The following GARRE1 variants were observed in gnomAD, a reference collection of about 807,000 sequenced individuals.
The protein encoded by GARRE1 is granule associated Rac and RHOG effector 1.
A neutral mutation model predicts 103.2 loss-of-function variants in GARRE1; 49 were observed. The ratio of observed to expected loss-of-function variants is 0.47; its 90% CI spans 0.38 to 0.60. GARRE1 has a LOEUF of 0.60. GARRE1 is among the 20% of genes least tolerant of loss of function. The probability of loss-of-function intolerance (pLI) is 0.00; values close to 1 mark genes in which losing one functional copy is unlikely to be tolerated. For synonymous variants in GARRE1, 505 were observed against 532.8 expected (o/e 0.95, Z 0.72); for missense variants, 1,199 against 1,370.5 (o/e 0.87, Z 1.98).
intron 1 of GARRE1, among the ~76,000 whole-genome samples, chr19:34,284,819 G>A (rs1749390695): frequency 6.6e-6 from 1 of 152,140 alleles, no homozygotes; most frequent in South Asian, 2.1e-4. Flanking sequence ...TAGCCTGACA[G>A]GCAGATAAAT....
At chr19:34,288,080 G>T (rs1030406870) in intron 1 of GARRE1, among the ~76,000 whole-genome samples, 1 of 152,102 alleles carries the variant, frequency 6.6e-6, no homozygotes, top group African/African-American at 2.4e-5. Context: ...AAATTCTTTA[G>T]TCCAAGCCTT....
At position 34,348,755 on chromosome 19, in the gene GARRE1, A is replaced by T. The variant is rs2074224169; in HGVS notation, c.2688-261A>T. 17 of 449,064 alleles carry T rather than the reference A, an allele frequency of 3.8e-5. No homozygotes were observed. In the South Asian group the frequency reaches 4.3e-4, roughly 11 times the overall value. 27.8% of individuals were successfully genotyped at this position (449,064 alleles called of 1,614,324 possible). On this transcript the variant is annotated intron_variant, in intron 11 of 13. Transcript: ENST00000299505. ...CAGCATCCATTAGCTATTCTTCCCC[A>T]TGCTCTCCCTCCCTTGCTTTTTCTA... is the stretch of plus-strand genomic sequence containing the variant.
chr19:34,278,659 G>A (rs2073832845), intron 1 of GARRE1, among the ~76,000 whole-genome samples: 1 of 151,810 alleles, frequency 6.6e-6, no homozygotes, highest in Non-Finnish European at 1.5e-5. Flanking sequence ...GTTGGAGCAT[G>A]TTATTAGAAT....
intron 3 of GARRE1, among the ~76,000 whole-genome samples, chr19:34,321,050 CTTTTTTTTTTTTTT>C (rs33942697): frequency 1.8e-5 from 1 of 55,734 alleles, no homozygotes; most frequent in East Asian, 6.9e-4. Flanking sequence ...AGACAAGATT[CTTTTTTTTTTTTTT>C]TTTTTTTTTT....
At chr19:34,296,611 G>A (rs538732152) in intron 1 of GARRE1, 2 of 1,416,078 alleles carry the variant, frequency 1.4e-6, no homozygotes, top group Non-Finnish European at 2.0e-6. Flanking sequence ...TTGGCAAAGT[G>A]CATGTTCCTC....
rs2074249109 is a variant in GARRE1 at position 34,353,042 on chromosome 19, A to T, written c.*87A>T. ...TCCCCACCCCAGGGCCACTTAGCTG[A>T]CACCAGCCCCTCAGAGGACCAGTGC... On this transcript the variant is annotated 3_prime_UTR_variant, in exon 14 of 14. Coordinates refer to ENST00000299505, the MANE Select transcript of GARRE1 (RefSeq NM_014686.5). The T allele has an allele frequency of 7.9e-7, 1 of 1,272,342 alleles. No homozygotes were observed. The highest frequency in any genetic ancestry group is 1.1e-6 in the Non-Finnish European group (1 of 939,088). 78.8% of individuals were successfully genotyped at this position (1,272,342 alleles called of 1,614,324 possible). A position where few individuals can be genotyped will look rare whatever the true frequency, so the allele number is the denominator to read the frequency against.
At chr19:34,307,792 T>TTA (rs2074016841) in intron 2 of GARRE1, among the ~76,000 whole-genome samples, 1 of 109,082 alleles carries the variant, frequency 9.2e-6, no homozygotes, top group East Asian at 2.2e-4. Flanking sequence ...ATATATACTA[T>TTA]AAAAAAAAAA....
intron 12 of GARRE1, among the ~76,000 whole-genome samples, chr19:34,350,946 C>T (rs1002067214): frequency 6.6e-6 from 1 of 151,770 alleles, no homozygotes; most frequent in Non-Finnish European, 1.5e-5. Context: ...CACCTGCAAT[C>T]CCAGTACTTT....
intron 7 of GARRE1, among the ~76,000 whole-genome samples, chr19:34,331,263 C>T (rs973811384): frequency 6.6e-6 from 1 of 152,140 alleles, no homozygotes; most frequent in Admixed American, 6.5e-5. Flanking sequence ...GATCTAGCCC[C>T]TATTCTGGAG....
chr19:34,279,405 A>G (rs986428875), intron 1 of GARRE1, among the ~76,000 whole-genome samples: 1 of 151,526 alleles, frequency 6.6e-6, no homozygotes, highest in African/African-American at 2.4e-5. Context: ...TCCCGGGCTC[A>G]GGTGATCCTC....
intron 12 of GARRE1, among the ~76,000 whole-genome samples, chr19:34,350,534 G>A (rs1056886373): frequency 4.6e-5 from 7 of 152,144 alleles, no homozygotes; most frequent in African/African-American, 1.7e-4. Context: ...TTAGTAAAAC[G>A]AATGGGCTTT....
rs140588030 is a variant in GARRE1 at position 34,300,571 on chromosome 19, C to G, written c.98C>G (p.Pro33Arg). Residue 33 changes from proline to arginine, a missense_variant, in exon 2 of 14, where the codon CCG becomes CGG. By Grantham distance (103) the Pro-to-Arg change is moderately radical. Transcript: ENST00000299505. ...AAGGTGCAGCAGCACCAGCAATACC[C>G]GATGCCTGAGCTGGGCCGAGCACTG... ...KQKVQQHQQY[P>R]MPELGRALSA... 1.9e-6 allele frequency: 3 copies of G among 1,613,334 alleles called. No individual in the cohort carries two copies. The highest frequency in any genetic ancestry group is 2.5e-6 in the Non-Finnish European group (3 of 1,180,028).
At chr19:34,304,402 G>C (rs575012595) in intron 2 of GARRE1, among the ~76,000 whole-genome samples, 39 of 145,468 alleles carry the variant, frequency 2.7e-4, no homozygotes, top group African/African-American at 8.5e-4. Context: ...TTGAGACGGA[G>C]TCTTGCTCTG....
At chr19:34,299,385 G>A (rs1030160789) in intron 1 of GARRE1, among the ~76,000 whole-genome samples, 4 of 152,200 alleles carry the variant, frequency 2.6e-5, no homozygotes, top group African/African-American at 9.7e-5. Flanking sequence ...AAAGAGGAAA[G>A]GAGAAAATGC....
chr19:34,282,256 A>T (rs915943152), intron 1 of GARRE1, among the ~76,000 whole-genome samples: 1 of 104,132 alleles, frequency 9.6e-6, no homozygotes, highest in African/African-American at 2.8e-5. Context: ...GGTTCAAGCA[A>T]TTCTCCTGCC....
intron 10 of GARRE1, among the ~76,000 whole-genome samples, chr19:34,344,364 G>A (rs7258393): frequency 0.24 from 36,140 of 151,160 alleles, 4,576 homozygotes; most frequent in East Asian, 0.6. Context: ...GCCGAGGCGG[G>A]CGGATCACGA....
intron 1 of GARRE1, among the ~76,000 whole-genome samples, chr19:34,256,894 TC>T (rs1305457463): frequency 6.6e-6 from 1 of 152,198 alleles, no homozygotes; most frequent in Non-Finnish European, 1.5e-5. Flanking sequence ...ATTTTTTTTT[TC>T]TTTTTAAAGC....
At chr19:34,340,789 A>G (rs561091311) in intron 9 of GARRE1, among the ~76,000 whole-genome samples, 1 of 152,332 alleles carries the variant, frequency 6.6e-6, no homozygotes, top group Middle Eastern at 3.4e-3. Flanking sequence ...AAGTGCTGGG[A>G]TTACAGGCGT....
chr19:34,348,234 A>G, intron 11 of GARRE1, 192 bp downstream of exon 11: 1 of 427,140 alleles, frequency 2.3e-6, no homozygotes, highest in East Asian at 3.6e-5. Context: ...GATGCCAAGT[A>G]GTGTGATGTA....
Sources: gnomAD v4.1 joint callset for allele counts (sites outside exome capture counted in the v4.1 genomes callset) on GRCh38, gnomAD v4.1.1 for gene constraint, MANE v1.5 for transcripts, NCBI Gene and HGNC (gene_info 2026-07-23, HGNC 2026-07-21) for gene names.